Variants in DRD3 observed in about 807,000 individuals in gnomAD.
DRD3 encodes the protein dopamine receptor D3.
Under a neutral mutation model 36.3 loss-of-function variants are expected in DRD3, and 19 were observed. The observed-to-expected ratio is 0.52, with a 90% CI of 0.36 to 0.77. The LOEUF is 0.77. Ranked by LOEUF, DRD3 falls within the 30% of genes least tolerant of loss-of-function variation. The probability of loss-of-function intolerance (pLI) is 0.00; values close to 1 mark genes in which losing one functional copy is unlikely to be tolerated. For missense variants in DRD3, 465 were observed against 505.3 expected (o/e 0.92, Z 0.77); for synonymous variants, 195 against 203.7 (o/e 0.96, Z 0.36).
At chr3:114,137,855 G>A (rs1262826793) in intron 5 of DRD3, among the ~76,000 whole-genome samples, 18 of 148,826 alleles carry the variant, frequency 1.2e-4, no homozygotes, top group South Asian at 6.5e-4. Flanking sequence ...AAAATTAGCC[G>A]GGCGTGATGG....
intron 1 of DRD3, among the ~76,000 whole-genome samples, chr3:114,173,632 G>A (rs1471285094): frequency 6.6e-6 from 1 of 152,192 alleles, no homozygotes; most frequent in Non-Finnish European, 1.5e-5. Context: ...GCAGATTAGG[G>A]GTGGGGGCCC....
upstream of DRD3, among the ~76,000 whole-genome samples, chr3:114,180,300 G>A (rs560524693): frequency 3.3e-5 from 5 of 152,024 alleles, no homozygotes; most frequent in South Asian, 2.1e-4. Context: ...GGCTGTTATG[G>A]ACTAAATTGT....
chr3:114,138,168 C>CAAAAAA (rs35536800), intron 5 of DRD3, among the ~76,000 whole-genome samples: 1 of 74,134 alleles, frequency 1.3e-5, no homozygotes, highest in African/African-American at 5.1e-5. Context: ...GACTCTGTCT[C>CAAAAAA]AAAAAAAAAA....
At chr3:114,141,696 A>G (rs780951630) in intron 4 of DRD3, among the ~76,000 whole-genome samples, 13 of 152,162 alleles carry the variant, frequency 8.5e-5, no homozygotes, top group Middle Eastern at 6.3e-3. Flanking sequence ...TCTGAAGAGG[A>G]GGTAAAATTC....
intron 3 of DRD3, among the ~76,000 whole-genome samples, chr3:114,150,510 T>C (rs1416528513): frequency 6.6e-6 from 1 of 152,264 alleles, no homozygotes; most frequent in Non-Finnish European, 1.5e-5. Flanking sequence ...ATATTTTCCA[T>C]AGGTCCTTGT....
intron 2 of DRD3, among the ~76,000 whole-genome samples, chr3:114,170,222 A>G (rs6806217): frequency 0.074 from 11,250 of 152,264 alleles, 881 homozygotes; most frequent in African/African-American, 0.2. Flanking sequence ...CTCTCCCCAA[A>G]AAGTCTGAGT....
At chr3:114,172,146 G>T in intron 1 of DRD3, 119 bp from the exon 2 acceptor site, 1 of 787,908 alleles carries the variant, frequency 1.3e-6, no homozygotes, top group Non-Finnish European at 1.8e-6. Context: ...TATATAGTAG[G>T]CACTGTTGTG....
intron 3 of DRD3, among the ~76,000 whole-genome samples, chr3:114,159,033 C>T (rs534568719): frequency 6.6e-6 from 1 of 151,952 alleles, no homozygotes; most frequent in African/African-American, 2.4e-5. Flanking sequence ...GAGAGGAAGA[C>T]AAAAGGAGAG....
chr3:114,180,315 T>C (rs1270549683), upstream of DRD3, among the ~76,000 whole-genome samples: 1 of 152,154 alleles, frequency 6.6e-6, no homozygotes, highest in African/African-American at 2.4e-5. Flanking sequence ...AATTGTGTCA[T>C]TCCAAAATTC....
chr3:114,171,880 G>A lies in DRD3; in HGVS notation c.113C>T (p.Ala38Val), dbSNP rs202132481. 27 of 1,613,386 alleles carry A rather than the reference G, an allele frequency of 1.7e-5. No individual in the cohort carries two copies. Among genetic ancestry groups the A allele is most frequent in the African/African-American group, 1.1e-4 (8 of 75,030 alleles). The change falls in exon 2 of 7, where the codon GCG becomes GTG. Residue 38 changes from alanine to valine, a missense_variant. Physicochemically the swap from Ala to Val is moderately conservative, Grantham distance 64. Transcript: ENST00000383673. ...PHAYYALSYC[A>V]LILAIVFGNG... Reference sequence around the variant, plus strand: ...GCCGAAGACGATGGCCAGGATGAGCGCGCAGTAGGAGAGGGCATAGTAGGC... The same window carrying A: ...GCCGAAGACGATGGCCAGGATGAGCACGCAGTAGGAGAGGGCATAGTAGGC...
intron 1 of DRD3, among the ~76,000 whole-genome samples, chr3:114,195,920 T>C (rs757927554): frequency 2.0e-5 from 3 of 152,196 alleles, no homozygotes; most frequent in Non-Finnish European, 4.4e-5. Context: ...GGTTAAAATA[T>C]AGGAGACATC....
At chr3:114,160,361 C>T (rs181784780) in intron 2 of DRD3, among the ~76,000 whole-genome samples, 255 of 152,284 alleles carry the variant, frequency 1.7e-3, no homozygotes, top group African/African-American at 5.5e-3. Flanking sequence ...ATTCTCCTGC[C>T]TCAGCCTCCC....
intron 3 of DRD3, 77 bp from the exon 4 acceptor site, chr3:114,147,634 T>C (rs1391455722): frequency 2.6e-6 from 4 of 1,546,696 alleles, no homozygotes; most frequent in Admixed American, 1.8e-5. Flanking sequence ...GTTGTTGTTG[T>C]TGTTTTTGGA....
chr3:114,184,809 C>T (rs971140619), intron 1 of DRD3, among the ~76,000 whole-genome samples: 1 of 152,090 alleles, frequency 6.6e-6, no homozygotes, highest in Non-Finnish European at 1.5e-5. Context: ...AGTGATCTGC[C>T]CACCCTGGCC....
chr3:114,197,277 ATTTTTTT>A (rs58452737), intron 1 of DRD3, among the ~76,000 whole-genome samples: 47 of 89,360 alleles, frequency 5.3e-4, no homozygotes, highest in South Asian at 1.7e-3. Context: ...AATTAAAAAA[ATTTTTTT>A]TTTTTTTTTT....
chr3:114,177,458 C>T (rs1404701320), intron 1 of DRD3, among the ~76,000 whole-genome samples: 1 of 152,134 alleles, frequency 6.6e-6, no homozygotes, highest in Non-Finnish European at 1.5e-5. Context: ...CTTTCCTTCA[C>T]AACCTCTAGA....
chr3:114,139,612 G>A lies in DRD3; in HGVS notation c.611C>T (p.Thr204Ile), dbSNP rs1320814992. The A allele has an allele frequency of 6.2e-7, 1 of 1,614,066 alleles. No homozygotes were observed. The highest frequency in any genetic ancestry group is 1.3e-5 in the African/African-American group (1 of 74,924). Residue 204 changes from threonine (T) to isoleucine (I), a missense_variant, in exon 5 of 7, where the codon ACT becomes ATT. Thr to Ile is a moderately conservative substitution (Grantham distance 89, BLOSUM62 -1). Coordinates refer to ENST00000383673, the MANE Select transcript of DRD3 (RefSeq NM_000796.6). ...VVSFYLPFGV[T>I]VLVYARIYVV... ...ATAGATTCTGGCATAGACAAGGACA[G>A]TCACTCCAAAGGGCAGGTAGAAGGA... is the stretch of plus-strand genomic sequence containing the variant.
chr3:114,135,184 CTTTTTTTTTTT>C lies in DRD3; in HGVS notation c.724-3795_724-3785del, dbSNP rs1156755857. 7.5e-4 allele frequency among the ~76,000 whole-genome samples: 2 copies of C among 2,670 alleles called. 1 individual carries two copies. The highest frequency in any genetic ancestry group is 8.6e-4 in the African/African-American group (2 of 2,336). 1.8% of individuals were successfully genotyped at this position (2,670 alleles called of 152,430 possible). A position where few individuals can be genotyped will look rare whatever the true frequency, so the allele number is the denominator to read the frequency against. The stretch of plus-strand genomic sequence containing the variant: ...GTGATTGAGAACATGTGATATTTGT[CTTTTTTTTTTT>C]TTTTTTTTTTTTTTTTTGAGACGGA... On this transcript the variant is annotated intron_variant, in intron 5 of 6. Transcript: ENST00000383673.
intron 4 of DRD3, among the ~76,000 whole-genome samples, chr3:114,142,714 G>A (rs1446103033): frequency 6.7e-6 from 1 of 149,264 alleles, no homozygotes. Context: ...TTATGTGCAA[G>A]CATTTATTTC....
Sources: gnomAD v4.1 joint callset for allele counts (sites outside exome capture counted in the v4.1 genomes callset) on GRCh38, gnomAD v4.1.1 for gene constraint, MANE v1.5 for transcripts, NCBI Gene and HGNC (gene_info 2026-07-23, HGNC 2026-07-21) for gene names.